KAZN: variants seen among roughly 807,000 people sequenced by gnomAD.
KAZN encodes the protein kazrin, periplakin interacting protein.
Under a neutral mutation model 87.4 loss-of-function variants are expected in KAZN, and 40 were observed. The observed-to-expected ratio is 0.46, with a 90% CI of 0.36 to 0.60. The LOEUF is 0.60. Among genes scored for constraint, KAZN ranks in the 20% least tolerant of loss-of-function variants. The pLI, the probability that KAZN is intolerant of heterozygous loss-of-function variation, is 0.00. For synonymous variants in KAZN, 466 were observed against 458.3 expected (o/e 1.02, Z -0.22); for missense variants, 898 against 1,073.9 (o/e 0.84, Z 2.29).
chr1:14,309,748 A>G (rs1241737895), intron 2 of KAZN, among the ~76,000 whole-genome samples: 1 of 151,834 alleles, frequency 6.6e-6, no homozygotes, highest in South Asian at 2.1e-4. Context: ...CTTAAAAAAA[A>G]TTGTGTAGAG....
chr1:14,739,469 C>T lies in KAZN; in HGVS notation c.226+140246C>T, dbSNP rs144895173. ...GAAAATCCTCCTGTTCGTGTGATAACTTCGCACCTCCTAAAAGCCCTTTGA... is the reference window on the plus strand; with the variant it reads ...GAAAATCCTCCTGTTCGTGTGATAATTTCGCACCTCCTAAAAGCCCTTTGA... On this transcript the variant is annotated intron_variant, in intron 1 of 14. Coordinates refer to ENST00000376030, the MANE Select transcript of KAZN (RefSeq NM_201628.3). Among the ~76,000 whole-genome samples the T allele has an allele frequency of 2.9e-3, 440 of 152,152 alleles. 3 individuals carry two copies. Among genetic ancestry groups the T allele is most frequent in the African/African-American group, 0.01 (422 of 41,524 alleles).
chr1:14,757,996 C>T (rs1240121329), intron 1 of KAZN, among the ~76,000 whole-genome samples: 1 of 152,262 alleles, frequency 6.6e-6, no homozygotes, highest in African/African-American at 2.4e-5. Flanking sequence ...CAAGTCCACA[C>T]ACCCTGGAAT....
intron 1 of KAZN, among the ~76,000 whole-genome samples, chr1:14,825,126 G>A (rs147218345): frequency 3.3e-5 from 5 of 152,218 alleles, no homozygotes; most frequent in African/African-American, 1.2e-4. Flanking sequence ...TCAGAGTCTC[G>A]CAAAAGCTAG....
At chr1:13,893,906 G>C (rs1345687607) in intron 1 of KAZN, 1 of 990,826 alleles carries the variant, frequency 1.0e-6, no homozygotes, top group East Asian at 2.8e-5. Flanking sequence ...GACTTAACTA[G>C]CTAGTGAAAT....
Position 14,443,469 on chromosome 1 carries a change from G to A in KAZN, c.250-155514G>A, listed in dbSNP as rs114103626. On this transcript the variant is annotated intron_variant, in intron 2 of 16. Coordinates refer to the KAZN transcript ENST00000636203. The stretch of plus-strand genomic sequence containing the variant: ...AAATAAATCAAGAGCAGCCCACCTC[G>A]TTTGCAAATGGAAATCATTCTAACA... 2.9e-3 allele frequency among the ~76,000 whole-genome samples: 442 copies of A among 152,328 alleles called. 3 individuals are homozygous for A. The highest frequency in any genetic ancestry group is 9.8e-3 in the African/African-American group (406 of 41,580).
At chr1:14,810,802 CGA>C (rs1385491815) in intron 1 of KAZN, among the ~76,000 whole-genome samples, 1 of 152,224 alleles carries the variant, frequency 6.6e-6, no homozygotes, top group Middle Eastern at 3.4e-3. Flanking sequence ...GCAAGAAAGC[CGA>C]GTCATGAGAA....
intron 1 of KAZN, among the ~76,000 whole-genome samples, chr1:14,678,009 G>C (rs1389988150): frequency 1.3e-5 from 2 of 152,196 alleles, no homozygotes; most frequent in Non-Finnish European, 2.9e-5. Flanking sequence ...CCAGAATTGG[G>C]AGTGACTGTC....
chr1:15,092,609 C>T (rs1384503147), intron 8 of KAZN, among the ~76,000 whole-genome samples: 1 of 151,992 alleles, frequency 6.6e-6, no homozygotes, highest in Non-Finnish European at 1.5e-5. Flanking sequence ...GCAGCTGGGA[C>T]CCCAGGCACA....
intron 1 of KAZN, among the ~76,000 whole-genome samples, chr1:14,925,680 G>T (rs1352474451): frequency 6.6e-6 from 1 of 152,036 alleles, no homozygotes; most frequent in East Asian, 1.9e-4. Context: ...GGAGCACACG[G>T]GCTTATTTTC....
chr1:13,916,948 C>T (rs1639876020), intron 1 of KAZN, among the ~76,000 whole-genome samples: 1 of 152,136 alleles, frequency 6.6e-6, no homozygotes, highest in Non-Finnish European at 1.5e-5. Context: ...AGGAGGCTGG[C>T]ATGCTCCCTG....
intron 2 of KAZN, among the ~76,000 whole-genome samples, chr1:14,331,200 G>C (rs992976917): frequency 6.6e-6 from 1 of 152,168 alleles, no homozygotes; most frequent in African/African-American, 2.4e-5. Flanking sequence ...AGCATGCAAA[G>C]AAAAGAGACT....
At chr1:14,963,793 C>A (rs1030997577) in intron 2 of KAZN, among the ~76,000 whole-genome samples, 8 of 150,310 alleles carry the variant, frequency 5.3e-5, no homozygotes, top group African/African-American at 2.0e-4. Flanking sequence ...CCCCTACTGC[C>A]CAACAGGCCC....
Position 14,717,959 on chromosome 1 carries a change from G to A in KAZN, c.226+118736G>A, listed in dbSNP as rs1258017284. On this transcript the variant is annotated intron_variant, in intron 1 of 14. Coordinates refer to ENST00000376030, the MANE Select transcript of KAZN (RefSeq NM_201628.3). Reference sequence around the variant, plus strand: ...TGCTCTCTTTGGTTCAGAATACAAGGAGAACAGAACCTGGTCAGAGGCCAT... The same window carrying A: ...TGCTCTCTTTGGTTCAGAATACAAGAAGAACAGAACCTGGTCAGAGGCCAT... 1.3e-5 allele frequency among the ~76,000 whole-genome samples: 2 copies of A among 152,216 alleles called. 1 individual carries two copies. The highest frequency in any genetic ancestry group is 2.9e-5 in the Non-Finnish European group (2 of 68,048).
chr1:14,503,922 G>A (rs1183602536), intron 2 of KAZN, among the ~76,000 whole-genome samples: 1 of 152,144 alleles, frequency 6.6e-6, no homozygotes, highest in African/African-American at 2.4e-5. Context: ...CCTGGTCATA[G>A]CAGTGAGCTG....
intron 1 of KAZN, among the ~76,000 whole-genome samples, chr1:14,040,634 C>T (rs1334241022): frequency 5.3e-5 from 8 of 152,022 alleles, no homozygotes; most frequent in South Asian, 2.1e-4. Flanking sequence ...TGGTGGCGCC[C>T]GCCTGTAATC....
At chr1:14,541,557 C>T (rs1269159376) in intron 2 of KAZN, among the ~76,000 whole-genome samples, 1 of 152,176 alleles carries the variant, frequency 6.6e-6, no homozygotes, top group African/African-American at 2.4e-5. Context: ...GAGTAAATTG[C>T]TCAACCCTTC....
chr1:14,608,105 C>G (rs1365280878), intron 1 of KAZN, among the ~76,000 whole-genome samples: 1 of 152,224 alleles, frequency 6.6e-6, no homozygotes, highest in Non-Finnish European at 1.5e-5. Flanking sequence ...GTTTGACTGA[C>G]CCTGAAATCT....
chr1:14,831,878 C>T (rs1647058504), intron 1 of KAZN, among the ~76,000 whole-genome samples: 1 of 151,980 alleles, frequency 6.6e-6, no homozygotes, highest in Non-Finnish European at 1.5e-5. Flanking sequence ...GACAGAAACC[C>T]AACTCAAATG....
chr1:14,169,838 G>A (rs1396212017), intron 1 of KAZN, among the ~76,000 whole-genome samples: 1 of 152,158 alleles, frequency 6.6e-6, no homozygotes, highest in African/African-American at 2.4e-5. Context: ...GTGACAGAGA[G>A]AAAAGTGATA....
Sources: gnomAD v4.1 joint callset for allele counts (sites outside exome capture counted in the v4.1 genomes callset) on GRCh38, gnomAD v4.1.1 for gene constraint, MANE v1.5 for transcripts, NCBI Gene and HGNC (gene_info 2026-07-23, HGNC 2026-07-21) for gene names.